DIAPH2: variants seen among roughly 807,000 people sequenced by gnomAD.
DIAPH2 encodes the protein diaphanous related formin 2.
A neutral mutation model predicts 92.7 loss-of-function variants in DIAPH2; 35 were observed. That is an observed-to-expected ratio of 0.38 (90% CI 0.29 to 0.50). DIAPH2 has a LOEUF of 0.50. Ranked by LOEUF, DIAPH2 falls within the 20% of genes least tolerant of loss-of-function variation. The probability of loss-of-function intolerance (pLI) is 0.94; values close to 1 mark genes in which losing one functional copy is unlikely to be tolerated. For synonymous variants in DIAPH2, 301 were observed against 280.4 expected (o/e 1.07, Z -0.73); for missense variants, 701 against 819.5 (o/e 0.86, Z 1.77).
In DIAPH2 at chrX:97,137,270, CATATATAT is replaced by C. The variant is rs57799375; in HGVS notation, c.2590-4370_2590-4363del. ...GGGGTCATATATAAACGCAGTTATA[CATATATAT>C]ATATATATATATATATATATATATG... On this transcript the variant is annotated intron_variant, in intron 21 of 26. Coordinates refer to ENST00000324765, the MANE Select transcript of DIAPH2 (RefSeq NM_006729.5). Among the ~76,000 whole-genome samples, 305 of 68,247 alleles carry C rather than the reference CATATATAT, an allele frequency of 4.5e-3. 3 individuals carry two copies. The highest frequency in any genetic ancestry group is 0.016 in the African/African-American group (256 of 16,003). The allele number at this position is 68,247 out of a possible 115,157, so 59.3% of individuals were successfully genotyped here.
intron 4 of DIAPH2, among the ~76,000 whole-genome samples, chrX:96,879,976 G>T (rs769246370): frequency 6.3e-5 from 7 of 111,406 alleles, no homozygotes; most frequent in African/African-American, 2.3e-4. Flanking sequence ...TGTTCCACCC[G>T]CCTCAGCCTC....
At chrX:97,310,413 T>C (rs1057506214) in intron 23 of DIAPH2, among the ~76,000 whole-genome samples, 11 of 111,443 alleles carry the variant, frequency 9.9e-5, no homozygotes, top group Admixed American at 1.9e-4. Context: ...GGTATAAAAG[T>C]GAAGAGGGAG....
chrX:97,379,048 T>C (rs2069528287), intron 24 of DIAPH2, among the ~76,000 whole-genome samples: 1 of 111,921 alleles, frequency 8.9e-6, no homozygotes, highest in Admixed American at 9.5e-5. Flanking sequence ...GCCAACTATA[T>C]TCACGCGGGT....
At chrX:97,155,443 G>T (rs745856150) in intron 22 of DIAPH2, among the ~76,000 whole-genome samples, 17 of 108,947 alleles carry the variant, frequency 1.6e-4, no homozygotes, top group African/African-American at 5.7e-4. Context: ...AGAGGTTGCA[G>T]TGAGCCGAGA....
intron 26 of DIAPH2, among the ~76,000 whole-genome samples, chrX:97,492,677 AT>A (rs767980145): frequency 9.0e-6 from 1 of 111,002 alleles, no homozygotes; most frequent in East Asian, 2.8e-4. Context: ...AGTATTCTTG[AT>A]TGGCATTTTT....
intron 23 of DIAPH2, among the ~76,000 whole-genome samples, chrX:97,305,934 C>G (rs2068743530): frequency 9.1e-6 from 1 of 110,084 alleles, no homozygotes; most frequent in African/African-American, 3.3e-5. Context: ...GTTTTTCTCA[C>G]CTAGAGCTGC....
chrX:97,584,549 A>C (rs1228333347), intron 26 of DIAPH2, among the ~76,000 whole-genome samples: 1 of 112,037 alleles, frequency 8.9e-6, no homozygotes, highest in Non-Finnish European at 1.9e-5. Flanking sequence ...CAAATGCAGA[A>C]CATCCCTGTT....
At chrX:97,051,193 G>A (rs769325876) in intron 17 of DIAPH2, among the ~76,000 whole-genome samples, 4 of 111,537 alleles carry the variant, frequency 3.6e-5, no homozygotes, top group Non-Finnish European at 7.6e-5. Context: ...TCTTAATTAT[G>A]CAATCTCCCT....
Position 97,141,682 on chromosome X carries a change from A to T in DIAPH2, c.2607A>T (p.Ser869=), listed in dbSNP as rs2067209478. 1 of 1,201,759 alleles carries T rather than the reference A, an allele frequency of 8.3e-7. No homozygotes were observed. The highest frequency in any genetic ancestry group is 2.3e-5 in the Admixed American group (1 of 43,779). ...NFLCKIRDTK[S]ADQKTTLLHF... ...TCTCCCAGATCAGAGATACTAAATC[A>T]GCGGATCAAAAAACAACCCTTTTGC... The change falls in exon 22 of 27, where the codon TCA becomes TCT. Residue 869 remains serine (S), a synonymous_variant. Coordinates refer to ENST00000324765, the MANE Select transcript of DIAPH2 (RefSeq NM_006729.5).
chrX:97,466,216 T>TA (rs1168722187), intron 26 of DIAPH2, among the ~76,000 whole-genome samples: 2 of 112,152 alleles, frequency 1.8e-5, no homozygotes, highest in Admixed American at 1.9e-4. Context: ...AGGCCTACTG[T>TA]AAAGATATCC....
At chrX:97,156,040 G>A (rs1422615919) in intron 22 of DIAPH2, among the ~76,000 whole-genome samples, 1 of 112,029 alleles carries the variant, frequency 8.9e-6, no homozygotes, top group East Asian at 2.8e-4. Flanking sequence ...GACATGTGGC[G>A]GTGAGCAGCA....
chrX:96,900,676 T>G lies in DIAPH2; in HGVS notation c.588-11652T>G, dbSNP rs544212773. On this transcript the variant is annotated intron_variant, in intron 5 of 26. Coordinates refer to ENST00000324765, the MANE Select transcript of DIAPH2 (RefSeq NM_006729.5). ...TTTTATCATAAAGGGATGGTGGATT[T>G]TATCAAATGCTCTTTCTGCATCTAT... 1.3e-4 allele frequency among the ~76,000 whole-genome samples: 14 copies of G among 111,887 alleles called. 1 individual carries two copies. The highest frequency in any genetic ancestry group is 4.2e-4 in the African/African-American group (13 of 30,834).
intron 4 of DIAPH2, among the ~76,000 whole-genome samples, chrX:96,849,358 G>C (rs922716475): frequency 9.0e-6 from 1 of 111,102 alleles, no homozygotes; most frequent in Non-Finnish European, 1.9e-5. Context: ...TAGAGATGGG[G>C]TTTCGCCACG....
At chrX:97,179,788 G>A (rs1169937431) in intron 22 of DIAPH2, among the ~76,000 whole-genome samples, 1 of 111,937 alleles carries the variant, frequency 8.9e-6, no homozygotes, top group East Asian at 2.8e-4. Context: ...AGAAAAAGAG[G>A]TTTATTTGAA....
chrX:97,235,250 G>A (rs1182591857), intron 22 of DIAPH2, among the ~76,000 whole-genome samples: 2 of 112,018 alleles, frequency 1.8e-5, no homozygotes, highest in Admixed American at 1.9e-4. Flanking sequence ...TGAATAGATG[G>A]AGAATTCTGA....
At chrX:96,806,460 A>G (rs2064625169) in intron 4 of DIAPH2, among the ~76,000 whole-genome samples, 1 of 107,871 alleles carries the variant, frequency 9.3e-6, no homozygotes, top group African/African-American at 3.4e-5. Flanking sequence ...CAGCCTGACT[A>G]ACATGGAGAA....
At chrX:97,472,650 T>A (rs1168119689) in intron 26 of DIAPH2, among the ~76,000 whole-genome samples, 1 of 112,173 alleles carries the variant, frequency 8.9e-6, no homozygotes. Context: ...TAAATTGCCA[T>A]AGTTATTTCC....
intron 23 of DIAPH2, among the ~76,000 whole-genome samples, chrX:97,271,981 A>G (rs2068391603): frequency 9.0e-6 from 1 of 110,836 alleles, no homozygotes; most frequent in African/African-American, 3.3e-5. Flanking sequence ...ACAATAAAAT[A>G]ATAATGCCCA....
At chrX:96,801,333 A>T (rs1156313269) in intron 4 of DIAPH2, among the ~76,000 whole-genome samples, 2 of 112,118 alleles carry the variant, frequency 1.8e-5, no homozygotes. Flanking sequence ...CCATTTTTTA[A>T]ATGTCACTTT....
Sources: allele counts gnomAD v4.1 joint callset (sites outside exome capture counted in the v4.1 genomes callset), GRCh38; gene constraint gnomAD v4.1.1; transcripts MANE v1.5; gene names NCBI Gene and HGNC (gene_info 2026-07-23, HGNC 2026-07-21).